Variants in FOXP1 observed in about 807,000 individuals in gnomAD.
FOXP1 encodes forkhead box P1, also known as forkhead box protein P1.
Under a neutral mutation model 98.2 loss-of-function variants are expected in FOXP1, and 15 were observed. That is an observed-to-expected ratio of 0.15 (90% CI 0.10 to 0.24). FOXP1 has a LOEUF of 0.24. FOXP1 is among the 10% of genes least tolerant of loss of function. The pLI, the probability that FOXP1 is intolerant of heterozygous loss-of-function variation, is 1.00. For synonymous variants in FOXP1, 371 were observed against 314.5 expected (o/e 1.18, Z -1.90); for missense variants, 633 against 848.5 (o/e 0.75, Z 3.15).
At chr3:71,132,898 T>C (rs2059640890) in intron 6 of FOXP1, among the ~76,000 whole-genome samples, 1 of 151,966 alleles carries the variant, frequency 6.6e-6, no homozygotes, top group Non-Finnish European at 1.5e-5. Context: ...CCTATATAGC[T>C]ATCAGATGTG....
intron 14 of FOXP1, 88 bp downstream of exon 14, chr3:70,987,906 G>A: frequency 1.7e-6 from 2 of 1,198,760 alleles, no homozygotes; most frequent in Admixed American, 1.7e-5. Context: ...AAAGTAGGCT[G>A]GTCCTCCTTC....
At chr3:71,060,501 C>G (rs1220307824) in intron 7 of FOXP1, among the ~76,000 whole-genome samples, 1 of 151,978 alleles carries the variant, frequency 6.6e-6, no homozygotes. Flanking sequence ...ATGGGAAACC[C>G]GTGCAGACCC....
At chr3:71,019,841 C>G (rs902929826) in intron 11 of FOXP1, among the ~76,000 whole-genome samples, 2 of 125,922 alleles carry the variant, frequency 1.6e-5, no homozygotes, top group Admixed American at 7.5e-5. Context: ...GGTCCCCCCC[C>G]CAAAAAAAAC....
intron 4 of FOXP1, among the ~76,000 whole-genome samples, chr3:71,325,871 C>T (rs984414685): frequency 3.9e-5 from 6 of 152,078 alleles, no homozygotes; most frequent in Non-Finnish European, 5.9e-5. Flanking sequence ...TTGTATGAAA[C>T]ATCTGTGGGA....
chr3:71,111,607 C>T (rs2057932578), intron 7 of FOXP1, among the ~76,000 whole-genome samples: 1 of 152,152 alleles, frequency 6.6e-6, no homozygotes. Context: ...CCAGGTTGGC[C>T]AGCCTCGTCT....
intron 14 of FOXP1, 21 bp from the exon 15 acceptor site, chr3:70,978,050 T>C: frequency 6.2e-7 from 1 of 1,609,780 alleles, no homozygotes. Context: ...AAAAACAACG[T>C]CTTAGAAGAC....
chr3:71,116,333 G>C (rs992757175), intron 6 of FOXP1, among the ~76,000 whole-genome samples: 2 of 151,922 alleles, frequency 1.3e-5, no homozygotes, highest in African/African-American at 4.8e-5. Flanking sequence ...GATAATCCAA[G>C]ATACAAGCAC....
intron 4 of FOXP1, among the ~76,000 whole-genome samples, chr3:71,303,558 A>G (rs142955692): frequency 6.6e-6 from 1 of 152,296 alleles, no homozygotes; most frequent in East Asian, 1.9e-4. Context: ...GTGGGCTTTA[A>G]TATCTTGTTT....
Position 71,053,730 on chromosome 3 carries a change from G to T in FOXP1, c.326C>A (p.Pro109His). Residue 109 changes from proline (P) to histidine (H), a missense_variant, in exon 8 of 21, where the codon CCC becomes CAC. Around this residue, in one of 6 missense-constraint regions of FOXP1, gnomAD observed 210 missense variants for 270.6 expected, o/e 0.78. Transcript: ENST00000649528. ...VAMMTPQVITPQQMQQILQQQ... is the reference protein window; with the variant it reads ...VAMMTPQVITHQQMQQILQQQ... ...CTGGAGGATCTGCTGCATTTGCTGG[G>T]GAGTGATAACTTGAGGTGTCATCAT... 6.2e-7 allele frequency: 1 copy of T among 1,614,072 alleles called. No individual in the cohort carries two copies. Among genetic ancestry groups the T allele is most frequent in the Non-Finnish European group, 8.5e-7 (1 of 1,179,992 alleles).
chr3:70,967,147 AG>A (rs2034972515), intron 19 of FOXP1, among the ~76,000 whole-genome samples: 1 of 152,232 alleles, frequency 6.6e-6, no homozygotes, highest in African/African-American at 2.4e-5. Flanking sequence ...TCTTTTCACA[AG>A]ATGATCTGGC....
chr3:71,182,500 A>ATGTGTGTGTGTGTGTG (rs201090847), intron 6 of FOXP1, among the ~76,000 whole-genome samples: 2 of 138,508 alleles, frequency 1.4e-5, no homozygotes, highest in African/African-American at 5.5e-5. Context: ...TAAACTATAT[A>ATGTGTGTGTGTGTGTG]TATGTGTGTG....
chr3:71,202,960 G>A (rs573337497), intron 5 of FOXP1, among the ~76,000 whole-genome samples: 2 of 152,190 alleles, frequency 1.3e-5, no homozygotes, highest in East Asian at 1.9e-4. Context: ...TCAGGCACCC[G>A]GTATGCATAA....
At chr3:71,388,936 C>T (rs892308086) in intron 3 of FOXP1, among the ~76,000 whole-genome samples, 1 of 151,994 alleles carries the variant, frequency 6.6e-6, no homozygotes, top group Non-Finnish European at 1.5e-5. Context: ...TTTTCACTTC[C>T]TATTTTATTT....
chr3:71,197,834 C>T (rs1270304726), intron 6 of FOXP1: 12 of 1,572,192 alleles, frequency 7.6e-6, no homozygotes, highest in African/African-American at 1.4e-5. Flanking sequence ...CAGGCTTAAG[C>T]CTGTTTTTCG....
chr3:71,562,538 C>T (rs746181812), intron 2 of FOXP1, among the ~76,000 whole-genome samples: 8 of 152,090 alleles, frequency 5.3e-5, no homozygotes, highest in Non-Finnish European at 1.0e-4. Flanking sequence ...GAGTCATAAG[C>T]GCTAATATTA....
chr3:71,093,786 C>T (rs937035369), intron 7 of FOXP1, among the ~76,000 whole-genome samples: 4 of 151,774 alleles, frequency 2.6e-5, no homozygotes, highest in African/African-American at 9.7e-5. Context: ...TCATTTACAC[C>T]AAACTTTAAA....
chr3:71,548,996 G>C (rs6785646), intron 2 of FOXP1, among the ~76,000 whole-genome samples: 1 of 152,180 alleles, frequency 6.6e-6, no homozygotes, highest in Non-Finnish European at 1.5e-5. Context: ...ATAAGAGGCA[G>C]AGCTGGGATT....
rs189714073 is a variant in FOXP1 at position 71,178,913 on chromosome 3, A to C, written c.180+19289T>G. ...ACAAAAAACAAACAAACAAAAAAAA[A>C]ACAAAAATTATCTGGGTGTGGTGGT... On this transcript the variant is annotated intron_variant, in intron 6 of 20. Transcript: ENST00000649528. Among the ~76,000 whole-genome samples the C allele has an allele frequency of 1.1e-4, 17 of 151,362 alleles. No individual in the cohort carries two copies. The East Asian group carries it at 2.6e-3, about 23-fold the overall frequency.
intron 5 of FOXP1, among the ~76,000 whole-genome samples, chr3:71,274,257 A>G (rs1352610495): frequency 2.6e-5 from 4 of 152,188 alleles, no homozygotes; most frequent in Non-Finnish European, 4.4e-5. Flanking sequence ...GCAAACAGGA[A>G]ACAGAAGATA....
Sources: allele counts gnomAD v4.1 joint callset (sites outside exome capture counted in the v4.1 genomes callset), GRCh38; gene constraint gnomAD v4.1.1; regional missense constraint gnomAD v4.1.1; transcripts MANE v1.5; gene names NCBI Gene and HGNC (gene_info 2026-07-23, HGNC 2026-07-21).